ZNF441: variants seen among roughly 807,000 people sequenced by gnomAD.
ZNF441 encodes the protein zinc finger protein 441.
A neutral mutation model predicts 64.5 loss-of-function variants in ZNF441; 25 were observed. The observed-to-expected ratio is 0.39, with a 90% CI of 0.28 to 0.54. The LOEUF is 0.54. ZNF441 is among the 20% of genes least tolerant of loss of function. The probability of loss-of-function intolerance (pLI) is 0.70; values close to 1 mark genes in which losing one functional copy is unlikely to be tolerated. For missense variants in ZNF441, 715 were observed against 843.3 expected, an observed-to-expected ratio of 0.85 and a Z score of 1.88; for synonymous variants, 262 against 268.0, an observed-to-expected ratio of 0.98 and a Z score of 0.22.
intron 1 of ZNF441, among the ~76,000 whole-genome samples, chr19:11,768,163 C>T (rs555512311): frequency 3.3e-5 from 5 of 152,140 alleles, no homozygotes; most frequent in Non-Finnish European, 5.9e-5. Flanking sequence ...CCTCCTAGGG[C>T]CGACAGAAAA....
chr19:11,770,034 T>C (rs1175518600), intron 1 of ZNF441, among the ~76,000 whole-genome samples: 2 of 152,052 alleles, frequency 1.3e-5, no homozygotes, highest in Non-Finnish European at 2.9e-5. Flanking sequence ...ATGGTGGAGA[T>C]ATGTCTGTAA....
chr19:11,780,792 T>C lies in ZNF441; in HGVS notation c.968T>C (p.Val323Ala), dbSNP rs1234303014. ...CGKGFLSPSS[V>A]RRHKRTHTGE... ...AAAGGCTTTCTTTCTCCCAGTTCAGTTCGAAGACATAAAAGAACTCACACT... is the reference window on the plus strand; with the variant it reads ...AAAGGCTTTCTTTCTCCCAGTTCAGCTCGAAGACATAAAAGAACTCACACT... The change falls in exon 4 of 4, where the codon GTT becomes GCT. Residue 323 changes from valine to alanine, a missense_variant. By Grantham distance (64) the Val-to-Ala change is moderately conservative. Around this residue, in one of 2 missense-constraint regions of ZNF441, gnomAD observed 399 missense variants for 413.9 expected, o/e 0.96. Coordinates refer to ENST00000357901, the MANE Select transcript of ZNF441 (RefSeq NM_152355.3). The C allele has an allele frequency of 3.1e-6, 5 of 1,613,954 alleles. No individual in the cohort carries two copies. In the South Asian group the frequency reaches 5.5e-5, roughly 18 times the overall value.
At chr19:11,775,544 T>C (rs552280531) in intron 1 of ZNF441, among the ~76,000 whole-genome samples, 6 of 151,760 alleles carry the variant, frequency 4.0e-5, no homozygotes, top group Non-Finnish European at 7.4e-5. Context: ...TTAGCTAGGA[T>C]GGTCTCGATC....
chr19:11,782,029 AT>A lies in ZNF441; in HGVS notation c.*130del. 2 of 722,296 alleles carry A rather than the reference AT, an allele frequency of 2.8e-6. No homozygotes were observed. The highest frequency in any genetic ancestry group is 4.1e-6 in the Non-Finnish European group (2 of 489,144). The allele number at this position is 722,296 out of a possible 1,614,324, so 44.7% of individuals were successfully genotyped here. On this transcript the variant is annotated 3_prime_UTR_variant, in exon 4 of 4. Coordinates refer to ENST00000357901, the MANE Select transcript of ZNF441 (RefSeq NM_152355.3). Reference sequence around the variant, plus strand: ...ATATAAAAATGTACTAAAACCTTCCATTTTTTTCAGTACCTTTTGAAAACAT... The same window carrying A: ...ATATAAAAATGTACTAAAACCTTCCATTTTTTCAGTACCTTTTGAAAACAT...
intron 1 of ZNF441, among the ~76,000 whole-genome samples, chr19:11,772,860 C>T (rs1320106467): frequency 3.3e-5 from 5 of 152,142 alleles, no homozygotes; most frequent in African/African-American, 1.2e-4. Flanking sequence ...TGCACTTCAG[C>T]CTGGACAACA....
At chr19:11,770,015 T>C (rs1975300817) in intron 1 of ZNF441, among the ~76,000 whole-genome samples, 1 of 152,104 alleles carries the variant, frequency 6.6e-6, no homozygotes, top group Admixed American at 6.6e-5. Flanking sequence ...CTTCCTGTTA[T>C]GCCCTCACAT....
intron 1 of ZNF441, among the ~76,000 whole-genome samples, chr19:11,772,394 C>G (rs1975321628): frequency 6.6e-6 from 1 of 152,170 alleles, no homozygotes; most frequent in African/African-American, 2.4e-5. Flanking sequence ...GGGCTGGTCC[C>G]TACACCAGGC....
Position 11,781,776 on chromosome 19 carries a change from C to G in ZNF441, c.1952C>G (p.Pro651Arg). ...TATAAATGTAAGGAATGTGGGAAAC[C>G]ATTCCATTGTCCCAGTGCCTTTCAT... ...KPYKCKECGK[P>R]FHCPSAFHKH... Residue 651 changes from proline to arginine, a missense_variant, in exon 4 of 4, where the codon CCA becomes CGA. Physicochemically the swap from Pro to Arg is moderately radical, Grantham distance 103 (BLOSUM62 -2). Coordinates refer to ENST00000357901, the MANE Select transcript of ZNF441 (RefSeq NM_152355.3). 1 of 1,614,050 alleles carries G rather than the reference C, an allele frequency of 6.2e-7. No homozygotes were observed. Among genetic ancestry groups the G allele is most frequent in the Non-Finnish European group, 8.5e-7 (1 of 1,179,972 alleles).
In ZNF441 at chr19:11,767,027, G is replaced by T. The variant is rs1232737967; in HGVS notation, c.-167G>T. On this transcript the variant is annotated 5_prime_UTR_variant, in exon 1 of 4. Coordinates refer to ENST00000357901, the MANE Select transcript of ZNF441 (RefSeq NM_152355.3). The surrounding 1 kb of genome is among the most constrained non-coding windows in gnomAD (Gnocchi z 5.1). ...CAATCAGGCGCACTGACCGGAGGAG[G>T]GTGCAAGGTTCAAAGAGCCCGCCGA... 3 of 955,088 alleles carry T rather than the reference G, an allele frequency of 3.1e-6. No individual in the cohort carries two copies. The highest frequency in any genetic ancestry group is 4.7e-6 in the Non-Finnish European group (3 of 636,512). 59.2% of individuals were successfully genotyped at this position (955,088 alleles called of 1,614,324 possible).
chr19:11,779,318 CAAA>C (rs67463970), intron 3 of ZNF441, among the ~76,000 whole-genome samples: 2,671 of 103,394 alleles, frequency 0.026, 89 homozygotes, highest in African/African-American at 0.078. Context: ...AACCCAGTTT[CAAA>C]AAAAAAAAAA....
intron 3 of ZNF441, 22 bp from the exon 4 acceptor site, chr19:11,779,997 A>C: frequency 6.5e-7 from 1 of 1,540,304 alleles, no homozygotes; most frequent in East Asian, 2.3e-5. Context: ...ACCTTTACTA[A>C]TGTACTTCTT....
At chr19:11,775,476 C>G (rs886420081) in intron 1 of ZNF441, among the ~76,000 whole-genome samples, 1 of 151,820 alleles carries the variant, frequency 6.6e-6, no homozygotes, top group Non-Finnish European at 1.5e-5. Flanking sequence ...ACTACAGGTG[C>G]CCACCACCAC....
intron 1 of ZNF441, among the ~76,000 whole-genome samples, chr19:11,771,727 C>T (rs422054): frequency 0.48 from 73,695 of 152,018 alleles, 19,206 homozygotes; most frequent in African/African-American, 0.7. Context: ...CTAGCAGTGA[C>T]GCCAGCGTCT....
At position 11,780,363 on chromosome 19, in the gene ZNF441, T is replaced by C; in HGVS notation, c.539T>C (p.Leu180Pro). The part of the protein sequence containing the change: ...DCKECASFSS[L>P]ENLQRHMAAH... ...AAGGAATGTGCAAGCTTCAGTTCTC[T>C]TGAAAACCTTCAAAGACACATGGCA... The change falls in exon 4 of 4, where the codon CTT becomes CCT. Residue 180 changes from leucine (L) to proline (P), a missense_variant. By Grantham distance (98) the Leu-to-Pro change is moderately conservative. Transcript: ENST00000357901. 6.2e-7 allele frequency: 1 copy of C among 1,614,214 alleles called. No individual in the cohort carries two copies. Among genetic ancestry groups the C allele is most frequent in the Non-Finnish European group, 8.5e-7 (1 of 1,180,048 alleles).
intron 3 of ZNF441, among the ~76,000 whole-genome samples, chr19:11,779,144 C>A (rs1163579205): frequency 4.6e-5 from 7 of 151,868 alleles, no homozygotes; most frequent in Non-Finnish European, 7.4e-5. Flanking sequence ...CGTGGCAAGA[C>A]GCCCTTTCTA....
At position 11,777,474 on chromosome 19, in the gene ZNF441, G is replaced by A. The variant is rs1323067353; in HGVS notation, c.4-137G>A. 5 of 904,102 alleles carry A rather than the reference G, an allele frequency of 5.5e-6. No individual in the cohort carries two copies. In the East Asian group the frequency reaches 8.9e-5, roughly 16 times the overall value. 56.0% of individuals were successfully genotyped at this position (904,102 alleles called of 1,614,324 possible). On this transcript the variant is annotated intron_variant, in intron 1 of 3. Coordinates refer to ENST00000357901, the MANE Select transcript of ZNF441 (RefSeq NM_152355.3). ...GTGTGGGATAAAATGAGTGTAAAGAGAGAATAAGAGTGGGTTTACCATGTT... is the reference window on the plus strand; with the variant it reads ...GTGTGGGATAAAATGAGTGTAAAGAAAGAATAAGAGTGGGTTTACCATGTT...
intron 1 of ZNF441, among the ~76,000 whole-genome samples, chr19:11,775,921 C>G (rs898242569): frequency 1.3e-5 from 2 of 152,206 alleles, no homozygotes; most frequent in Non-Finnish European, 2.9e-5. Context: ...AGCCACCACG[C>G]TCAGCCTGAA....
Position 11,781,805 on chromosome 19 carries a change from C to T in ZNF441, c.1981C>T (p.His661Tyr). 3 of 1,613,966 alleles carry T rather than the reference C, an allele frequency of 1.9e-6. No homozygotes were observed. Among genetic ancestry groups the T allele is most frequent in the Non-Finnish European group, 2.5e-6 (3 of 1,179,904 alleles). The change falls in exon 4 of 4, where the codon CAT becomes TAT. Residue 661 changes from histidine to tyrosine, a missense_variant. Around this residue, in one of 2 missense-constraint regions of ZNF441, gnomAD observed 316 missense variants for 429.3 expected, o/e 0.74. Coordinates refer to ENST00000357901, the MANE Select transcript of ZNF441 (RefSeq NM_152355.3). ...PFHCPSAFHK[H>Y]ERTHSMEKPY... Reference sequence around the variant, plus strand: ...CCATTGTCCCAGTGCCTTTCATAAACATGAAAGGACCCACAGTATGGAGAA... The same window carrying T: ...CCATTGTCCCAGTGCCTTTCATAAATATGAAAGGACCCACAGTATGGAGAA...
chr19:11,777,621 C>A lies in ZNF441; in HGVS notation c.14C>A (p.Ala5Glu). ...TGTGAAATATTTCAGGACTCAGTGG[C>A]ATTTGAGGATGTGGCTATAAACTTC... is the stretch of plus-strand genomic sequence containing the variant. MDSV[A>E]FEDVAINFTC... Residue 5 changes from alanine (A) to glutamate (E), a missense_variant, in exon 2 of 4, where the codon GCA becomes GAA. Physicochemically the swap from Ala to Glu is moderately radical, Grantham distance 107. Coordinates refer to ENST00000357901, the MANE Select transcript of ZNF441 (RefSeq NM_152355.3). 6.2e-7 allele frequency: 1 copy of A among 1,612,734 alleles called. No individual in the cohort carries two copies. Among genetic ancestry groups the A allele is most frequent in the Non-Finnish European group, 8.5e-7 (1 of 1,179,268 alleles).
Sources: gnomAD v4.1 joint callset for allele counts (sites outside exome capture counted in the v4.1 genomes callset) on GRCh38, gnomAD v4.1.1 for gene constraint, gnomAD v4.1.1 regional missense constraint, Gnocchi (gnomAD v3.1) non-coding constraint, MANE v1.5 for transcripts, NCBI Gene and HGNC (gene_info 2026-07-23, HGNC 2026-07-21) for gene names.